The following PRDM16 variants were observed in gnomAD, a reference collection of about 807,000 sequenced individuals.
The protein encoded by PRDM16 is PR/SET domain 16.
Under a neutral mutation model 110.6 loss-of-function variants are expected in PRDM16, and 23 were observed. The observed-to-expected ratio is 0.21, with a 90% confidence interval of 0.15 to 0.29. The LOEUF is 0.29. Among genes scored for constraint, PRDM16 ranks in the 10% least tolerant of loss-of-function variants. The pLI is 1.00. For synonymous variants in PRDM16, 799 were observed against 781.8 expected, an observed-to-expected ratio of 1.02 and a Z score of -0.37; for missense variants, 1,615 against 1,794.3, an observed-to-expected ratio of 0.90 and a Z score of 1.81.
chr1:3,180,886 A>G (rs537329481), intron 1 of PRDM16, among the ~76,000 whole-genome samples: 2 of 151,324 alleles, frequency 1.3e-5, no homozygotes, highest in East Asian at 1.9e-4. Context: ...GCAGTCTTAC[A>G]CACGGCCTCA....
At chr1:3,140,702 G>C (rs559052654) in intron 1 of PRDM16, among the ~76,000 whole-genome samples, 2 of 152,344 alleles carry the variant, frequency 1.3e-5, no homozygotes, top group African/African-American at 4.8e-5. Context: ...GGGGGTGCAT[G>C]GGCTGCCTGG....
intron 1 of PRDM16, among the ~76,000 whole-genome samples, chr1:3,164,568 G>A (rs540646247): frequency 1.4e-4 from 21 of 152,306 alleles, no homozygotes; most frequent in Middle Eastern, 6.8e-3. Context: ...ATTGCTGAGC[G>A]GACAGAAAAC....
intron 2 of PRDM16, among the ~76,000 whole-genome samples, chr1:3,229,946 T>A (rs1639369224): frequency 6.6e-6 from 1 of 152,202 alleles, no homozygotes; most frequent in African/African-American, 2.4e-5. Context: ...AAAATAAAGC[T>A]GCAGCTCCGT....
intron 3 of PRDM16, among the ~76,000 whole-genome samples, chr1:3,366,545 T>C (rs2100569704): frequency 6.6e-6 from 1 of 152,314 alleles, no homozygotes; most frequent in Admixed American, 6.5e-5. Context: ...AAAGTGTCCT[T>C]TTATTGGAAA....
intron 1 of PRDM16, among the ~76,000 whole-genome samples, chr1:3,181,136 G>GCGGCCTTACACACGCAGTCTTACACA (rs1644160261): frequency 1.5e-5 from 1 of 67,456 alleles, no homozygotes. Context: ...AGTCTTACAC[G>GCGGCCTTACACACGCAGTCTTACACA]CGGTCTTACA....
chr1:3,204,226 G>A (rs1022364289), intron 2 of PRDM16, among the ~76,000 whole-genome samples: 7 of 152,174 alleles, frequency 4.6e-5, no homozygotes, highest in East Asian at 1.9e-4. Flanking sequence ...ACAGATACCC[G>A]TGCCCCTGTA....
intron 8 of PRDM16, among the ~76,000 whole-genome samples, chr1:3,406,536 C>A (rs1283467967): frequency 2.0e-5 from 3 of 151,838 alleles, no homozygotes; most frequent in Non-Finnish European, 4.4e-5. Context: ...TCAAGACCAG[C>A]CTGAGCAATG....
intron 3 of PRDM16, among the ~76,000 whole-genome samples, chr1:3,289,505 A>T (rs1640926309): frequency 6.6e-6 from 1 of 152,120 alleles, no homozygotes; most frequent in Non-Finnish European, 1.5e-5. Flanking sequence ...CCTCACCCAC[A>T]CTGGTGCCCA....
At position 3,165,224 on chromosome 1, in the gene PRDM16, C is replaced by G. The variant is rs567448841; in HGVS notation, c.38-20901C>G. On this transcript the variant is annotated intron_variant, in intron 1 of 16. Coordinates refer to ENST00000270722, the MANE Select transcript of PRDM16 (RefSeq NM_022114.4). ...ACCTGGCCTCAGGGGCATGGACTCA[C>G]CTGGGCTCAGGGACAGTGACTTACC... Among the ~76,000 whole-genome samples the G allele has an allele frequency of 7.2e-5, 11 of 152,134 alleles. 1 individual carries two copies. Among genetic ancestry groups the G allele is most frequent in the African/African-American group, 2.6e-4 (11 of 41,528 alleles).
chr1:3,091,483 G>A (rs1449469440), intron 1 of PRDM16, among the ~76,000 whole-genome samples: 2 of 152,230 alleles, frequency 1.3e-5, no homozygotes, highest in East Asian at 1.9e-4. Context: ...AGAAGGGCAG[G>A]GGTTGGGCCG....
chr1:3,394,503 G>A, intron 4 of PRDM16: 1 of 435,234 alleles, frequency 2.3e-6, no homozygotes, highest in South Asian at 1.6e-5. Context: ...TGGTGGGTGG[G>A]GTGGGTGGTG....
chr1:3,300,610 C>T (rs1239597476), intron 3 of PRDM16, among the ~76,000 whole-genome samples: 3 of 152,244 alleles, frequency 2.0e-5, no homozygotes, highest in Non-Finnish European at 2.9e-5. Context: ...CTCGGAACCG[C>T]GGTGCAACTG....
intron 12 of PRDM16, among the ~76,000 whole-genome samples, chr1:3,423,405 G>T (rs984945082): frequency 6.6e-6 from 1 of 152,162 alleles, no homozygotes; most frequent in Non-Finnish European, 1.5e-5. Context: ...GCCCCTGCGG[G>T]TGTGTTGATG....
intron 1 of PRDM16, among the ~76,000 whole-genome samples, chr1:3,134,591 A>G (rs1219601651): frequency 2.0e-5 from 3 of 152,306 alleles, no homozygotes; most frequent in African/African-American, 7.2e-5. Context: ...TCCCCCTGGA[A>G]GGGGAAATAG....
chr1:3,186,731 A>C (rs1018055681), intron 2 of PRDM16: 3 of 452,306 alleles, frequency 6.6e-6, no homozygotes, highest in Admixed American at 7.8e-5. Flanking sequence ...TCATGAGCTC[A>C]TGTCTTAAAA....
intron 1 of PRDM16, among the ~76,000 whole-genome samples, chr1:3,092,012 G>A (rs1170034240): frequency 1.3e-5 from 2 of 152,250 alleles, no homozygotes; most frequent in African/African-American, 4.8e-5. Flanking sequence ...TCATGGGGAG[G>A]GGACGCAGGT....
intron 3 of PRDM16, among the ~76,000 whole-genome samples, chr1:3,299,382 G>A (rs1253311386): frequency 1.2e-3 from 102 of 83,410 alleles, no homozygotes; most frequent in East Asian, 2.9e-3. Flanking sequence ...GATCCCAGTT[G>A]TGGTGACTCT....
At chr1:3,212,700 C>CGGTCCTCCCGCT (rs1638926845) in intron 2 of PRDM16, among the ~76,000 whole-genome samples, 3 of 76,132 alleles carry the variant, frequency 3.9e-5, no homozygotes, top group African/African-American at 4.0e-4. Context: ...GTCCTCTCTG[C>CGGTCCTCCCGCT]CACTGTGGAT....
At position 3,350,217 on chromosome 1, in the gene PRDM16, T is replaced by C. The variant is rs1183883966; in HGVS notation, c.439-34935T>C. 6.6e-6 allele frequency among the ~76,000 whole-genome samples: 1 copy of C among 152,206 alleles called. No homozygotes were observed. Among genetic ancestry groups the C allele is most frequent in the Non-Finnish European group, 1.5e-5 (1 of 68,036 alleles). ...GGCATGTGCTGGTAGTTCCAGCTAC[T>C]CAGGAGGCTGAGGCAGGAGGATCGC... On this transcript the variant is annotated intron_variant, in intron 3 of 16. Transcript: ENST00000270722. This position sits in a 1 kb window ranked among gnomAD's most constrained non-coding sequence, Gnocchi z 7.1.
Sources: gnomAD v4.1 joint callset for allele counts (sites outside exome capture counted in the v4.1 genomes callset) on GRCh38, gnomAD v4.1.1 for gene constraint, Gnocchi (gnomAD v3.1) non-coding constraint, MANE v1.5 for transcripts, NCBI Gene and HGNC (gene_info 2026-07-23, HGNC 2026-07-21) for gene names.